The following MYRIP variants were observed in gnomAD, a reference collection of about 807,000 sequenced individuals.
MYRIP encodes rab effector MyRIP.
A neutral mutation model predicts 98.0 loss-of-function variants in MYRIP; 49 were observed. The observed-to-expected ratio is 0.50, with a 90% CI of 0.40 to 0.63. The LOEUF (loss-of-function observed/expected upper bound fraction) is 0.63. Ranked by LOEUF, MYRIP falls within the 30% of genes least tolerant of loss-of-function variation. MYRIP has a pLI of 0.00. For synonymous variants in MYRIP, 404 were observed against 409.5 expected (o/e 0.99, Z 0.16); for missense variants, 1,004 against 1,058.2 (o/e 0.95, Z 0.71).
intron 3 of MYRIP, among the ~76,000 whole-genome samples, chr3:40,052,642 C>A (rs1297987314): frequency 6.6e-6 from 1 of 152,106 alleles, no homozygotes; most frequent in Non-Finnish European, 1.5e-5. Context: ...TCCAAGCACT[C>A]TTTTTCCCAG....
intron 3 of MYRIP, among the ~76,000 whole-genome samples, chr3:40,066,419 G>T (rs980325363): frequency 4.3e-4 from 66 of 152,170 alleles, no homozygotes; most frequent in Admixed American, 4.3e-3. Flanking sequence ...CTTTATTTAT[G>T]TGGCATCCCC....
chr3:40,140,972 A>G (rs957218516), intron 3 of MYRIP, among the ~76,000 whole-genome samples: 4 of 152,168 alleles, frequency 2.6e-5, no homozygotes, highest in African/African-American at 9.7e-5. Context: ...GACTATAGTC[A>G]CCCTGTTGTG....
At chr3:39,955,646 C>A (rs560007447) in intron 2 of MYRIP, among the ~76,000 whole-genome samples, 16 of 152,276 alleles carry the variant, frequency 1.1e-4, no homozygotes, top group Middle Eastern at 3.4e-3. Context: ...CAGCTAACAT[C>A]ATAATGACAG....
At chr3:39,969,477 C>A (rs1390033359) in intron 2 of MYRIP, among the ~76,000 whole-genome samples, 1 of 151,804 alleles carries the variant, frequency 6.6e-6, no homozygotes, top group East Asian at 1.9e-4. Context: ...ATGGTTCTTA[C>A]TGTTTTGAGG....
At chr3:39,938,369 CT>C (rs1371693603) in intron 2 of MYRIP, among the ~76,000 whole-genome samples, 1 of 152,072 alleles carries the variant, frequency 6.6e-6, no homozygotes, top group Non-Finnish European at 1.5e-5. Flanking sequence ...ATGTATTGAT[CT>C]ATTCTACTGT....
intron 3 of MYRIP, among the ~76,000 whole-genome samples, chr3:40,068,635 C>T (rs1321202146): frequency 6.6e-6 from 1 of 152,180 alleles, no homozygotes; most frequent in Non-Finnish European, 1.5e-5. Flanking sequence ...AAGGATACTA[C>T]ATTCAAGTTA....
chr3:40,248,647 C>A (rs1480034136), intron 13 of MYRIP, among the ~76,000 whole-genome samples: 6 of 152,176 alleles, frequency 3.9e-5, no homozygotes, highest in African/African-American at 1.4e-4. Context: ...TTCCCATTGA[C>A]CTTGTCTTTC....
intron 2 of MYRIP, among the ~76,000 whole-genome samples, chr3:39,971,562 T>G (rs1945585231): frequency 6.6e-6 from 1 of 152,094 alleles, no homozygotes; most frequent in Non-Finnish European, 1.5e-5. Flanking sequence ...AGGTATCTGT[T>G]GTCCTTGCAC....
chr3:40,061,757 TTTTG>T (rs756043345), intron 3 of MYRIP, among the ~76,000 whole-genome samples: 7 of 152,088 alleles, frequency 4.6e-5, no homozygotes, highest in Non-Finnish European at 7.4e-5. Flanking sequence ...TTGGGTTGTT[TTTTG>T]TTTGTTTGTT....
chr3:40,139,046 T>C (rs1398569013), intron 3 of MYRIP, among the ~76,000 whole-genome samples: 1 of 152,206 alleles, frequency 6.6e-6, no homozygotes, highest in East Asian at 1.9e-4. Flanking sequence ...TTATTTAGCT[T>C]CCACATATGA....
chr3:39,833,378 ATAGGCTCTTT>A (rs1468170774), intron 1 of MYRIP, among the ~76,000 whole-genome samples: 3 of 152,036 alleles, frequency 2.0e-5, no homozygotes, highest in Non-Finnish European at 4.4e-5. Context: ...GAGAGCTATT[ATAGGCTCTTT>A]CTGGTGCCTA....
intron 2 of MYRIP, among the ~76,000 whole-genome samples, chr3:40,028,618 T>A (rs72871424): frequency 0.017 from 2,648 of 152,248 alleles, 71 homozygotes; most frequent in African/African-American, 0.059. Context: ...GTTGGGGAAC[T>A]TTTTGGTAAG....
chr3:39,956,497 C>T (rs1267934187), intron 2 of MYRIP, among the ~76,000 whole-genome samples: 1 of 152,134 alleles, frequency 6.6e-6, no homozygotes. Flanking sequence ...AAAGACACAA[C>T]ATATCAGAAT....
At chr3:40,239,428 T>C (rs1404207854) in intron 12 of MYRIP, among the ~76,000 whole-genome samples, 3 of 147,958 alleles carry the variant, frequency 2.0e-5, no homozygotes, top group Non-Finnish European at 4.4e-5. Context: ...TACCCAGTAA[T>C]GGGATGGCTG....
At chr3:40,182,959 A>G (rs755442400) in intron 9 of MYRIP, among the ~76,000 whole-genome samples, 1 of 152,210 alleles carries the variant, frequency 6.6e-6, no homozygotes, top group Non-Finnish European at 1.5e-5. Flanking sequence ...GTGCAGTACA[A>G]GTACCCCTGG....
intron 1 of MYRIP, among the ~76,000 whole-genome samples, chr3:39,858,524 A>C (rs767624024): frequency 2.6e-5 from 4 of 152,112 alleles, no homozygotes; most frequent in Non-Finnish European, 5.9e-5. Context: ...TTTTAATAAC[A>C]CTATAGACCA....
intron 2 of MYRIP, among the ~76,000 whole-genome samples, chr3:40,037,808 C>T (rs564570990): frequency 4.6e-5 from 7 of 152,180 alleles, no homozygotes; most frequent in African/African-American, 1.4e-4. Flanking sequence ...TGCCTACCCC[C>T]CTTCCTGTTT....
chr3:40,072,937 C>T (rs1371401591), intron 3 of MYRIP, among the ~76,000 whole-genome samples: 1 of 152,144 alleles, frequency 6.6e-6, no homozygotes, highest in Non-Finnish European at 1.5e-5. Flanking sequence ...TTACATTCTC[C>T]TATATTCTTT....
chr3:40,090,435 T>G (rs897791247), intron 3 of MYRIP, among the ~76,000 whole-genome samples: 1 of 152,156 alleles, frequency 6.6e-6, no homozygotes, highest in Non-Finnish European at 1.5e-5. Flanking sequence ...ATATGACAAG[T>G]GACCATCTGG....
Sources: allele counts gnomAD v4.1 joint callset (sites outside exome capture counted in the v4.1 genomes callset), GRCh38; gene constraint gnomAD v4.1.1; transcripts MANE v1.5; gene names NCBI Gene and HGNC (gene_info 2026-07-23, HGNC 2026-07-21).